Variants in NECTIN3 observed in about 807,000 individuals in gnomAD.
NECTIN3 encodes nectin cell adhesion molecule 3.
NECTIN3 carries 8 observed loss-of-function variants against 49.4 expected under a neutral mutation model. The observed-to-expected ratio is 0.16, with a 90% CI of 0.10 to 0.29. The LOEUF (loss-of-function observed/expected upper bound fraction) is 0.29. Ranked by LOEUF, NECTIN3 falls within the 10% of genes least tolerant of loss-of-function variation. The pLI is 1.00. For missense variants in NECTIN3, 581 were observed against 654.6 expected (o/e 0.89, Z 1.23); for synonymous variants, 277 against 241.1 (o/e 1.15, Z -1.38).
Position 111,137,026 on chromosome 3 carries a change from C to T in NECTIN3, c.*2811C>T. ...AGTAGTAAGTGTTGCTTCTAATAGC[C>T]ATATACAGGAAAGTTTTATAAGATA... On this transcript the variant is annotated 3_prime_UTR_variant, in exon 6 of 6. Coordinates refer to ENST00000485303, the MANE Select transcript of NECTIN3 (RefSeq NM_015480.3). 2 of 976,192 alleles carry T rather than the reference C, an allele frequency of 2.0e-6. No homozygotes were observed. The highest frequency in any genetic ancestry group is 2.4e-6 in the Non-Finnish European group (2 of 821,768). The allele number at this position is 976,192 out of a possible 1,614,324, so 60.5% of individuals were successfully genotyped here. A position where few individuals can be genotyped will look rare whatever the true frequency, so the allele number is the denominator to read the frequency against.
chr3:111,147,348 CTT>C (rs565492723), intron 6 of NECTIN3: 3,625 of 990,622 alleles, frequency 3.7e-3, no homozygotes, highest in South Asian at 6.4e-3. Context: ...TTTTCTTTTG[CTT>C]TTTTTTTTTT....
chr3:111,162,981 T>G (rs1452035587), intron 7 of NECTIN3, among the ~76,000 whole-genome samples: 1 of 152,202 alleles, frequency 6.6e-6, no homozygotes, highest in African/African-American at 2.4e-5. Flanking sequence ...CAGCAGCCAT[T>G]CTATTACTCT....
Position 111,170,944 on chromosome 3 carries a change from A to G in NECTIN3, c.1222-21407A>G, listed in dbSNP as rs950826380. Reference sequence around the variant, plus strand: ...TAATTTTACCAGGGTCATCTTTAATATACAGCTTCTGAATTTGGGTTCTTA... The same window carrying G: ...TAATTTTACCAGGGTCATCTTTAATGTACAGCTTCTGAATTTGGGTTCTTA... On this transcript the variant is annotated intron_variant, in intron 7 of 8. Coordinates refer to the NECTIN3 transcript ENST00000493615. Among the ~76,000 whole-genome samples, 4 of 152,228 alleles carry G rather than the reference A, an allele frequency of 2.6e-5. No homozygotes were observed. The East Asian group carries it at 5.8e-4, about 22-fold the overall frequency.
intron 7 of NECTIN3, among the ~76,000 whole-genome samples, chr3:111,184,074 C>T (rs979190736): frequency 6.6e-6 from 1 of 152,000 alleles, no homozygotes; most frequent in African/African-American, 2.4e-5. Context: ...TTGATAGATT[C>T]TGCCTTTAAG....
intron 7 of NECTIN3, among the ~76,000 whole-genome samples, chr3:111,153,182 T>C (rs1297535618): frequency 6.6e-6 from 1 of 151,976 alleles, no homozygotes; most frequent in Non-Finnish European, 1.5e-5. Flanking sequence ...GTCTTTTATA[T>C]TGCCTTCAGT....
chr3:111,154,758 C>A (rs545760249), intron 7 of NECTIN3, among the ~76,000 whole-genome samples: 2 of 152,052 alleles, frequency 1.3e-5, no homozygotes, highest in Admixed American at 1.3e-4. Context: ...AACATTTTTT[C>A]ATTTGCTGGT....
intron 4 of NECTIN3, among the ~76,000 whole-genome samples, chr3:111,124,197 C>A (rs1021400710): frequency 2.0e-5 from 3 of 152,042 alleles, no homozygotes; most frequent in African/African-American, 7.2e-5. Context: ...TTTCTAAAAG[C>A]CATACAACTC....
chr3:111,085,256 C>A (rs1012682495), intron 1 of NECTIN3, among the ~76,000 whole-genome samples: 4 of 152,158 alleles, frequency 2.6e-5, no homozygotes, highest in Non-Finnish European at 5.9e-5. Context: ...CTTCAACACA[C>A]AATTCAGCCT....
chr3:111,193,306 G>C, intron 1 of NECTIN3: 1 of 1,535,764 alleles, frequency 6.5e-7, no homozygotes, highest in Non-Finnish European at 8.7e-7. Context: ...TACCAAGACC[G>C]GAGCCCTGGC....
intron 4 of NECTIN3, among the ~76,000 whole-genome samples, chr3:111,124,598 TGTTTTC>T (rs1208912018): frequency 6.6e-6 from 1 of 152,244 alleles, no homozygotes; most frequent in African/African-American, 2.4e-5. Context: ...TAGGTGCTTT[TGTTTTC>T]GTTTTTTAAA....
At chr3:111,150,096 C>T (rs1175172116) in intron 7 of NECTIN3, among the ~76,000 whole-genome samples, 2 of 151,960 alleles carry the variant, frequency 1.3e-5, no homozygotes, top group Non-Finnish European at 2.9e-5. Flanking sequence ...TTAGAATATT[C>T]TGTGTTTCAG....
intron 7 of NECTIN3, among the ~76,000 whole-genome samples, chr3:111,153,189 C>A (rs1179967590): frequency 6.6e-6 from 1 of 151,696 alleles, no homozygotes; most frequent in African/African-American, 2.4e-5. Flanking sequence ...ATATTGCCTT[C>A]AGTTAGTAAG....
intron 7 of NECTIN3, among the ~76,000 whole-genome samples, chr3:111,177,853 G>A (rs66803420): frequency 0.29 from 44,274 of 152,000 alleles, 12,316 homozygotes; most frequent in African/African-American, 0.71. Context: ...ATGATTAAGA[G>A]CATCTTGGAA....
At chr3:111,114,945 A>G (rs2033628022) in intron 2 of NECTIN3, among the ~76,000 whole-genome samples, 1 of 152,152 alleles carries the variant, frequency 6.6e-6, no homozygotes, top group Non-Finnish European at 1.5e-5. Flanking sequence ...GGGTATACTC[A>G]GGGACACTGG....
chr3:111,103,720 T>C (rs1175861549), intron 1 of NECTIN3, among the ~76,000 whole-genome samples: 1 of 152,142 alleles, frequency 6.6e-6, no homozygotes, highest in African/African-American at 2.4e-5. Context: ...AATCCTTGCC[T>C]ATTTCTGATC....
At chr3:111,151,876 A>G (rs1450588192) in intron 7 of NECTIN3, among the ~76,000 whole-genome samples, 1 of 151,734 alleles carries the variant, frequency 6.6e-6, no homozygotes, top group African/African-American at 2.4e-5. Flanking sequence ...ATACCTATTT[A>G]CCCTACCCCC....
rs1183680047 is a variant in NECTIN3, at chr3:111,124,110, G to A, written c.917+1872G>A. Among the ~76,000 whole-genome samples the A allele has an allele frequency of 7.2e-5, 11 of 152,196 alleles. No homozygotes were observed. The East Asian group carries it at 1.7e-3, about 24-fold the overall frequency. On this transcript the variant is annotated intron_variant, in intron 4 of 5. Transcript: ENST00000485303. ...TTTAAGCCTGGATACTATTTTAAAGGTAGAGAAAACCTTTTTCATTTACAT... is the reference window on the plus strand; with the variant it reads ...TTTAAGCCTGGATACTATTTTAAAGATAGAGAAAACCTTTTTCATTTACAT...
intron 5 of NECTIN3, among the ~76,000 whole-genome samples, chr3:111,132,905 A>G (rs970966754): frequency 2.0e-5 from 3 of 151,964 alleles, no homozygotes; most frequent in African/African-American, 4.8e-5. Context: ...TACTTTGTCT[A>G]TTAGTTTCCT....
chr3:111,186,368 C>G (rs2035720033), intron 7 of NECTIN3, among the ~76,000 whole-genome samples: 1 of 151,990 alleles, frequency 6.6e-6, no homozygotes, highest in Non-Finnish European at 1.5e-5. Flanking sequence ...AGATAATAGA[C>G]CAATACGACA....
Sources: gnomAD v4.1 joint callset for allele counts (sites outside exome capture counted in the v4.1 genomes callset) on GRCh38, gnomAD v4.1.1 for gene constraint, MANE v1.5 for transcripts, NCBI Gene and HGNC (gene_info 2026-07-23, HGNC 2026-07-21) for gene names.